SGCZ: variants seen among roughly 807,000 people sequenced by gnomAD.
SGCZ encodes the protein zeta-sarcoglycan.
In SGCZ, 40 loss-of-function variants were observed where a neutral mutation model predicts 41.3. The observed-to-expected ratio is 0.97, with a 90% CI of 0.75 to 1.26. The LOEUF is 1.26. Among genes scored for constraint, SGCZ ranks in the 50% most tolerant of loss-of-function variants. SGCZ has a pLI of 0.00. For missense variants in SGCZ, 552 were observed against 369.8 expected (o/e 1.49, Z -4.04); for synonymous variants, 206 against 137.5 (o/e 1.50, Z -3.49).
At chr8:14,698,474 A>T (rs540301570) in intron 1 of SGCZ, among the ~76,000 whole-genome samples, 1 of 151,974 alleles carries the variant, frequency 6.6e-6, no homozygotes, top group African/African-American at 2.4e-5. Flanking sequence ...TAAAGATCAC[A>T]TTATAAAAGC....
At chr8:14,610,932 AC>A (rs1271759856) in intron 1 of SGCZ, among the ~76,000 whole-genome samples, 1 of 152,186 alleles carries the variant, frequency 6.6e-6, no homozygotes, top group Non-Finnish European at 1.5e-5. Flanking sequence ...ATGCTTCCAA[AC>A]CTTCATATTA....
intron 1 of SGCZ, among the ~76,000 whole-genome samples, chr8:14,796,003 T>A (rs756689450): frequency 1.3e-5 from 2 of 152,152 alleles, no homozygotes; most frequent in Admixed American, 6.5e-5. Flanking sequence ...AAGGACAAGA[T>A]CTTGTTCTTT....
At chr8:14,095,878 G>A (rs1017702649) in intron 7 of SGCZ, among the ~76,000 whole-genome samples, 4 of 152,108 alleles carry the variant, frequency 2.6e-5, no homozygotes, top group African/African-American at 9.7e-5. Context: ...GTGAGTGGGA[G>A]TTGACTCATG....
chr8:14,150,913 A>C (rs1235760345), intron 5 of SGCZ, among the ~76,000 whole-genome samples: 21 of 152,206 alleles, frequency 1.4e-4, no homozygotes, highest in Admixed American at 1.4e-3. Context: ...TAAGTGAACT[A>C]AGCCAGGCAC....
intron 2 of SGCZ, among the ~76,000 whole-genome samples, chr8:14,336,622 C>T (rs749959783): frequency 6.6e-6 from 1 of 152,080 alleles, no homozygotes; most frequent in Non-Finnish European, 1.5e-5. Flanking sequence ...ACTTTTTAAT[C>T]ATAGCCATTC....
chr8:15,154,034 G>C (rs1490365384), intron 1 of SGCZ, among the ~76,000 whole-genome samples: 1 of 152,034 alleles, frequency 6.6e-6, no homozygotes, highest in Non-Finnish European at 1.5e-5. Context: ...GCTTCTATGA[G>C]AATCTAAAGA....
chr8:14,267,891 T>C (rs908814782), intron 3 of SGCZ, among the ~76,000 whole-genome samples: 1 of 151,984 alleles, frequency 6.6e-6, no homozygotes, highest in Non-Finnish European at 1.5e-5. Context: ...GTCATTCTAT[T>C]TTTACATTTA....
At chr8:14,228,260 G>A (rs1401981795) in intron 4 of SGCZ, among the ~76,000 whole-genome samples, 1 of 152,020 alleles carries the variant, frequency 6.6e-6, no homozygotes, top group Non-Finnish European at 1.5e-5. Context: ...CACAAAGGAA[G>A]CCTCATTAAA....
intron 1 of SGCZ, among the ~76,000 whole-genome samples, chr8:14,806,412 C>G (rs1407679178): frequency 6.6e-6 from 1 of 150,718 alleles, no homozygotes; most frequent in Non-Finnish European, 1.5e-5. Flanking sequence ...ACCACCGATC[C>G]CACAGAAATA....
chr8:15,163,748 G>C (rs560854307), intron 1 of SGCZ, among the ~76,000 whole-genome samples: 1 of 152,156 alleles, frequency 6.6e-6, no homozygotes, highest in South Asian at 2.1e-4. Flanking sequence ...ATTATTTACA[G>C]CAATTTGCCC....
chr8:14,660,692 C>A (rs1055538261), intron 1 of SGCZ, among the ~76,000 whole-genome samples: 1 of 151,582 alleles, frequency 6.6e-6, no homozygotes, highest in African/African-American at 2.4e-5. Context: ...AGAAGAGAGA[C>A]CAGTGAAATA....
chr8:15,040,628 A>G (rs1024974673), intron 1 of SGCZ, among the ~76,000 whole-genome samples: 3 of 152,138 alleles, frequency 2.0e-5, no homozygotes, highest in Non-Finnish European at 2.9e-5. Flanking sequence ...TCTCAAAACA[A>G]AAAAGTGATT....
At chr8:14,911,313 G>T (rs1799273913) in intron 1 of SGCZ, among the ~76,000 whole-genome samples, 1 of 151,988 alleles carries the variant, frequency 6.6e-6, no homozygotes, top group Non-Finnish European at 1.5e-5. Flanking sequence ...GATTCTGACT[G>T]ATTTACTGAT....
At chr8:15,045,651 T>C (rs1031444955) in intron 1 of SGCZ, among the ~76,000 whole-genome samples, 1 of 152,124 alleles carries the variant, frequency 6.6e-6, no homozygotes, top group Admixed American at 6.6e-5. Context: ...CTTGCAAATA[T>C]AGAACAAGTA....
chr8:15,026,784 T>C (rs1271391038), intron 1 of SGCZ, among the ~76,000 whole-genome samples: 1 of 152,182 alleles, frequency 6.6e-6, no homozygotes, highest in Non-Finnish European at 1.5e-5. Flanking sequence ...TAATTATATA[T>C]TGTGAGAAGC....
At chr8:14,225,197 C>A (rs1806330316) in intron 4 of SGCZ, among the ~76,000 whole-genome samples, 1 of 152,024 alleles carries the variant, frequency 6.6e-6, no homozygotes, top group African/African-American at 2.4e-5. Context: ...TAGATAATTT[C>A]TATTTTTATT....
At chr8:14,592,872 G>A (rs1010811761) in intron 1 of SGCZ, among the ~76,000 whole-genome samples, 27 of 152,070 alleles carry the variant, frequency 1.8e-4, no homozygotes, top group African/African-American at 6.5e-4. Context: ...TTACAGTACA[G>A]GGCAAAAAGC....
At chr8:15,038,079 G>A (rs761017976) in intron 1 of SGCZ, among the ~76,000 whole-genome samples, 5 of 114,702 alleles carry the variant, frequency 4.4e-5, no homozygotes, top group African/African-American at 1.2e-4. Context: ...TTTCAGTGAC[G>A]TTTTTAAACA....
At position 14,493,359 on chromosome 8, in the gene SGCZ, C is replaced by CTTTTTTTTTTT. The variant is rs57898016; in HGVS notation, c.234+61362_234+61372dup. Among the ~76,000 whole-genome samples, 143 of 44,274 alleles carry CTTTTTTTTTTT rather than the reference C, an allele frequency of 3.2e-3. 18 individuals carry two copies. Among genetic ancestry groups the CTTTTTTTTTTT allele is most frequent in the East Asian group, 0.011 (12 of 1,048 alleles). 29.0% of individuals were successfully genotyped at this position (44,274 alleles called of 152,430 possible). A position where few individuals can be genotyped will look rare whatever the true frequency, so the allele number is the denominator to read the frequency against. On this transcript the variant is annotated intron_variant, in intron 2 of 7. Coordinates refer to ENST00000382080, the MANE Select transcript of SGCZ (RefSeq NM_139167.4). ...CATACTTTTCCCACTATCATCCTTT[C>CTTTTTTTTTTT]TTTTTTTTTTTTTTTTTTTTTTTTT... is the stretch of plus-strand genomic sequence containing the variant.
Sources: allele counts gnomAD v4.1 joint callset (sites outside exome capture counted in the v4.1 genomes callset), GRCh38; gene constraint gnomAD v4.1.1; transcripts MANE v1.5; gene names NCBI Gene and HGNC (gene_info 2026-07-23, HGNC 2026-07-21).